PTPRB: variants seen among roughly 807,000 people sequenced by gnomAD.
PTPRB encodes protein tyrosine phosphatase receptor type B.
In PTPRB, 97 loss-of-function variants were observed where a neutral mutation model predicts 238.1. The observed-to-expected ratio is 0.41, with a 90% confidence interval of 0.35 to 0.48. The LOEUF (loss-of-function observed/expected upper bound fraction) is 0.48. Among genes scored for constraint, PTPRB ranks in the 20% least tolerant of loss-of-function variants. The pLI is 0.30. For synonymous variants in PTPRB, 970 were observed against 995.4 expected (o/e 0.97, Z 0.48); for missense variants, 2,292 against 2,681.9 (o/e 0.85, Z 3.21).
chr12:70,609,766 G>A, intron 3 of PTPRB: 1 of 1,582,458 alleles, frequency 6.3e-7, no homozygotes, highest in Non-Finnish European at 8.6e-7. Context: ...CTCACCTGCA[G>A]CAGGCTCAGT....
chr12:70,531,129 A>G (rs902639365), intron 32 of PTPRB, among the ~76,000 whole-genome samples: 1 of 152,188 alleles, frequency 6.6e-6, no homozygotes, highest in African/African-American at 2.4e-5. Context: ...GCACAAGAAA[A>G]GAATTCAGGG....
At chr12:70,577,587 T>G (rs1296408389) in intron 10 of PTPRB, among the ~76,000 whole-genome samples, 1 of 152,228 alleles carries the variant, frequency 6.6e-6, no homozygotes, top group Non-Finnish European at 1.5e-5. Flanking sequence ...CACTACTGTT[T>G]TAATCATTAG....
At chr12:70,570,949 A>G (rs2136375769) in intron 13 of PTPRB, 77 bp downstream of exon 13, 3 of 1,504,212 alleles carry the variant, frequency 2.0e-6, no homozygotes, top group Non-Finnish European at 2.7e-6. Flanking sequence ...CAAATGCTCA[A>G]TCGAAATACC....
chr12:70,592,042 C>T (rs1288781274), intron 7 of PTPRB: 50 of 568,242 alleles, frequency 8.8e-5, no homozygotes, highest in South Asian at 2.2e-5. Flanking sequence ...ATTTATGCTA[C>T]TTAAGTGACG....
chr12:70,582,888 C>T (rs1313441288), intron 9 of PTPRB, among the ~76,000 whole-genome samples: 2 of 152,010 alleles, frequency 1.3e-5, no homozygotes, highest in African/African-American at 2.4e-5. Flanking sequence ...AATATTTGAA[C>T]AAAAACTTCC....
At chr12:70,600,633 T>G (rs1042390180) in intron 4 of PTPRB, among the ~76,000 whole-genome samples, 1 of 152,196 alleles carries the variant, frequency 6.6e-6, no homozygotes, top group Non-Finnish European at 1.5e-5. Flanking sequence ...TTTTCCTTAT[T>G]TTATTGCCTT....
intron 15 of PTPRB, among the ~76,000 whole-genome samples, chr12:70,563,565 C>T (rs1592484766): frequency 6.6e-6 from 1 of 152,294 alleles, no homozygotes; most frequent in Admixed American, 6.5e-5. Flanking sequence ...TTCTATAGCC[C>T]CAGCTGAGCA....
chr12:70,547,148 C>T (rs1876107135), intron 21 of PTPRB, among the ~76,000 whole-genome samples: 1 of 152,086 alleles, frequency 6.6e-6, no homozygotes, highest in African/African-American at 2.4e-5. Context: ...CTGACTTATG[C>T]CCAGATCCGA....
intron 2 of PTPRB, among the ~76,000 whole-genome samples, chr12:70,623,887 T>C (rs1240906265): frequency 1.3e-5 from 2 of 152,142 alleles, no homozygotes; most frequent in East Asian, 3.8e-4. Flanking sequence ...TCCATTCCAA[T>C]TTCAACTGAT....
At chr12:70,633,637 A>G (rs920101489) in intron 2 of PTPRB, among the ~76,000 whole-genome samples, 1 of 152,138 alleles carries the variant, frequency 6.6e-6, no homozygotes, top group African/African-American at 2.4e-5. Context: ...TTTTTCTAGA[A>G]ATTAATTTCT....
chr12:70,540,742 C>CAATTT (rs1295887484), intron 23 of PTPRB, 116 bp downstream of exon 23: 14 of 766,654 alleles, frequency 1.8e-5, no homozygotes, highest in Non-Finnish European at 2.9e-5. Context: ...AAAACAGTGA[C>CAATTT]AATTTAACCT....
chr12:70,588,125 A>G (rs1351447316), intron 8 of PTPRB, among the ~76,000 whole-genome samples: 1 of 151,590 alleles, frequency 6.6e-6, no homozygotes, highest in Non-Finnish European at 1.5e-5. Context: ...AAAAGAAAAG[A>G]AAAGAAAAGA....
chr12:70,521,231 G>A lies in PTPRB; in HGVS notation c.*258C>T, dbSNP rs1023855340. The A allele has an allele frequency of 9.8e-5, 33 of 336,146 alleles. No individual in the cohort carries two copies. In the East Asian group the frequency reaches 1.5e-3, roughly 16 times the overall value. The allele number at this position is 336,146 out of a possible 1,614,324, so 20.8% of individuals were successfully genotyped here. On this transcript the variant is annotated 3_prime_UTR_variant, in exon 34 of 34. Coordinates refer to ENST00000334414, the MANE Select transcript of PTPRB (RefSeq NM_001109754.4). ...TAGAACAAGTCATGAACACTTTAGT[G>A]TGGAAAAATAGTATTATATAAAGCT... is the stretch of plus-strand genomic sequence containing the variant.
intron 2 of PTPRB, among the ~76,000 whole-genome samples, chr12:70,627,978 T>C (rs899780893): frequency 1.3e-4 from 20 of 152,220 alleles, no homozygotes; most frequent in Admixed American, 1.1e-3. Context: ...GCTTATCTTT[T>C]ACAATGTTCA....
At chr12:70,606,352 G>A (rs1883940991) in intron 4 of PTPRB, among the ~76,000 whole-genome samples, 1 of 152,162 alleles carries the variant, frequency 6.6e-6, no homozygotes. Flanking sequence ...GACTATTGCT[G>A]AAATATTGCC....
At chr12:70,588,667 GT>G (rs1353274055) in intron 8 of PTPRB, among the ~76,000 whole-genome samples, 4 of 151,750 alleles carry the variant, frequency 2.6e-5, no homozygotes, top group African/African-American at 9.7e-5. Context: ...AAAAACAAAA[GT>G]TTGGCCTGGC....
rs145649516 is a variant in PTPRB, at chr12:70,530,536, ATATAAG to A, written c.6504+1493_6504+1498del. 7.2e-3 allele frequency among the ~76,000 whole-genome samples: 1,093 copies of A among 152,324 alleles called. 12 individuals are homozygous for A. The highest frequency in any genetic ancestry group is 0.025 in the African/African-American group (1,020 of 41,570). On this transcript the variant is annotated intron_variant, in intron 32 of 33. Transcript: ENST00000334414. ...CACACGTGTACACATACATATGTGTATATAAGTATATGTGTATTTAAGGATGAGATA... is the reference window on the plus strand; with the variant it reads ...CACACGTGTACACATACATATGTGTATATATGTGTATTTAAGGATGAGATA...
At chr12:70,521,979 G>A (rs1215348573) in intron 33 of PTPRB, among the ~76,000 whole-genome samples, 1 of 152,146 alleles carries the variant, frequency 6.6e-6, no homozygotes, top group Non-Finnish European at 1.5e-5. Flanking sequence ...AGCCTCTTAA[G>A]GAATCTCCCA....
chr12:70,548,777 C>G (rs1303144532), intron 21 of PTPRB, among the ~76,000 whole-genome samples: 2 of 152,210 alleles, frequency 1.3e-5, no homozygotes, highest in African/African-American at 4.8e-5. Context: ...CAGTCTACTC[C>G]TTTTTATTCA....
Sources: gnomAD v4.1 joint callset for allele counts (sites outside exome capture counted in the v4.1 genomes callset) on GRCh38, gnomAD v4.1.1 for gene constraint, MANE v1.5 for transcripts, NCBI Gene and HGNC (gene_info 2026-07-23, HGNC 2026-07-21) for gene names.